PPP3CC: variants seen among roughly 807,000 people sequenced by gnomAD.
PPP3CC encodes the protein serine/threonine-protein phosphatase 2B catalytic subunit gamma isoform.
Under a neutral mutation model 60.3 loss-of-function variants are expected in PPP3CC, and 35 were observed. That is an observed-to-expected ratio of 0.58 (90% CI 0.44 to 0.77). PPP3CC has a LOEUF of 0.77. Among genes scored for constraint, PPP3CC ranks in the 30% least tolerant of loss-of-function variants. PPP3CC has a pLI of 0.00. For synonymous variants in PPP3CC, 206 were observed against 224.3 expected, an observed-to-expected ratio of 0.92 and a Z score of 0.73; for missense variants, 570 against 628.9, an observed-to-expected ratio of 0.91 and a Z score of 1.00.
chr8:22,531,286 T>A, intron 10 of PPP3CC: 1 of 1,529,698 alleles, frequency 6.5e-7, no homozygotes, highest in Admixed American at 2.0e-5. Flanking sequence ...TTTCTTGGTG[T>A]TTCTTCTCCC....
intron 1 of PPP3CC, among the ~76,000 whole-genome samples, chr8:22,447,071 G>A (rs1328426448): frequency 6.6e-6 from 1 of 151,334 alleles, no homozygotes; most frequent in African/African-American, 2.4e-5. Context: ...ACAGTGGCGC[G>A]ATCATGGCTC....
intron 6 of PPP3CC, among the ~76,000 whole-genome samples, chr8:22,516,573 A>G (rs994036873): frequency 3.3e-5 from 5 of 152,226 alleles, no homozygotes. Flanking sequence ...AGGTTTCATA[A>G]TCATTCATGG....
chr8:22,465,662 C>T (rs1334080957), intron 1 of PPP3CC, among the ~76,000 whole-genome samples: 1 of 152,050 alleles, frequency 6.6e-6, no homozygotes, highest in Non-Finnish European at 1.5e-5. Flanking sequence ...ATGCCTGGCC[C>T]CTCAATCTTG....
At chr8:22,498,811 A>G (rs1461844521) in intron 4 of PPP3CC, among the ~76,000 whole-genome samples, 4 of 152,204 alleles carry the variant, frequency 2.6e-5, no homozygotes, top group South Asian at 4.1e-4. Context: ...CTGTAATAGT[A>G]AAAATAAGTT....
chr8:22,463,237 A>G lies in PPP3CC; in HGVS notation c.50-11717A>G, dbSNP rs144683359. Among the ~76,000 whole-genome samples, 415 of 152,300 alleles carry G rather than the reference A, an allele frequency of 2.7e-3. 1 individual carries two copies. Among genetic ancestry groups the G allele is most frequent in the Admixed American group, 7.3e-3 (111 of 15,300 alleles). On this transcript the variant is annotated intron_variant, in intron 1 of 13. Transcript: ENST00000240139. Reference sequence around the variant, plus strand: ...TTGTGTTCTGATTATCTTGGACATAAATAGTCTATTCATTTTATCTTCTGC... The same window carrying G: ...TTGTGTTCTGATTATCTTGGACATAGATAGTCTATTCATTTTATCTTCTGC...
At chr8:22,486,462 T>C (rs146733632) in intron 3 of PPP3CC, among the ~76,000 whole-genome samples, 43 of 152,314 alleles carry the variant, frequency 2.8e-4, no homozygotes, top group South Asian at 6.2e-4. Context: ...TGTTTGTTTG[T>C]TTGCTTTTGG....
chr8:22,494,126 A>G (rs1248323477), intron 3 of PPP3CC, among the ~76,000 whole-genome samples: 4 of 152,144 alleles, frequency 2.6e-5, no homozygotes, highest in Admixed American at 2.0e-4. Context: ...CTGTTTCTCA[A>G]CATAGGCCTC....
chr8:22,459,890 C>G (rs142872778), intron 1 of PPP3CC, among the ~76,000 whole-genome samples: 3 of 152,010 alleles, frequency 2.0e-5, no homozygotes, highest in Admixed American at 2.0e-4. Context: ...GAACCATAAA[C>G]GCTGACAATT....
chr8:22,525,339 T>C (rs985696472), intron 8 of PPP3CC, among the ~76,000 whole-genome samples: 4 of 152,178 alleles, frequency 2.6e-5, no homozygotes, highest in African/African-American at 9.6e-5. Context: ...TTACTCCCCA[T>C]ACAAGTGCCT....
At chr8:22,507,378 C>G (rs2117081077) in intron 4 of PPP3CC, among the ~76,000 whole-genome samples, 1 of 152,232 alleles carries the variant, frequency 6.6e-6, no homozygotes, top group African/African-American at 2.4e-5. Flanking sequence ...TAAAATTTGT[C>G]TTGAAAATAA....
intron 1 of PPP3CC, among the ~76,000 whole-genome samples, chr8:22,462,627 G>C (rs1047031565): frequency 7.3e-5 from 11 of 151,488 alleles, no homozygotes; most frequent in Non-Finnish European, 2.9e-5. Flanking sequence ...CTGGAGTGCG[G>C]TGGCACGATC....
chr8:22,494,429 G>A (rs900899511), intron 3 of PPP3CC, among the ~76,000 whole-genome samples: 8 of 152,254 alleles, frequency 5.3e-5, no homozygotes, highest in East Asian at 1.9e-4. Context: ...GGGAATTCTG[G>A]TAGCTACAAT....
In PPP3CC at chr8:22,522,489, A is replaced by T; in HGVS notation, c.771-2A>T. On this transcript the variant is annotated splice_acceptor_variant, in intron 6 of 13. Transcript: ENST00000240139. LOFTEE classifies it high-confidence loss of function. ...TTTATGTTTTCTAATTTTCTTTTCC[A>T]GTTACCCTGCAGTTTGTGAATTTTT... 1 of 1,598,304 alleles carries T rather than the reference A, an allele frequency of 6.3e-7. No individual in the cohort carries two copies. Among genetic ancestry groups the T allele is most frequent in the Non-Finnish European group, 8.5e-7 (1 of 1,173,376 alleles).
chr8:22,470,077 C>CACAT lies in PPP3CC; in HGVS notation c.50-4874_50-4873insTACA, dbSNP rs537670004. ...ATATATATACACACACACACACACA[C>CACAT]ACACACACATACATATATATATGTT... On this transcript the variant is annotated intron_variant, in intron 1 of 13. Coordinates refer to ENST00000240139, the MANE Select transcript of PPP3CC (RefSeq NM_005605.5). Among the ~76,000 whole-genome samples, 1,483 of 151,638 alleles carry CACAT rather than the reference C, an allele frequency of 9.8e-3. 24 individuals carry two copies. The highest frequency in any genetic ancestry group is 0.032 in the African/African-American group (1,334 of 41,294).
intron 6 of PPP3CC, among the ~76,000 whole-genome samples, chr8:22,517,580 C>G (rs996158785): frequency 1.3e-5 from 2 of 152,094 alleles, no homozygotes; most frequent in Non-Finnish European, 2.9e-5. Context: ...CTTCATGATT[C>G]AGTTTTGGCA....
intron 6 of PPP3CC, among the ~76,000 whole-genome samples, chr8:22,521,098 A>T (rs894741344): frequency 6.6e-6 from 1 of 152,096 alleles, no homozygotes; most frequent in African/African-American, 2.4e-5. Flanking sequence ...TGTCCCATGG[A>T]TGGGGAGAGC....
intron 4 of PPP3CC, among the ~76,000 whole-genome samples, chr8:22,501,622 A>T (rs1378202613): frequency 6.6e-6 from 1 of 152,118 alleles, no homozygotes; most frequent in African/African-American, 2.4e-5. Flanking sequence ...CCCAATATGA[A>T]TGTTTGCTTT....
intron 4 of PPP3CC, among the ~76,000 whole-genome samples, chr8:22,500,258 T>G (rs1465927723): frequency 6.6e-6 from 1 of 152,194 alleles, no homozygotes; most frequent in Non-Finnish European, 1.5e-5. Context: ...TTCTAAAATT[T>G]TAGCATATTC....
intron 1 of PPP3CC, among the ~76,000 whole-genome samples, chr8:22,459,858 TTAGA>T (rs1285276863): frequency 2.0e-5 from 3 of 152,308 alleles, no homozygotes; most frequent in African/African-American, 7.2e-5. Flanking sequence ...GACTATTTTC[TTAGA>T]TAGGTCATAG....
Sources: gnomAD v4.1 joint callset for allele counts (sites outside exome capture counted in the v4.1 genomes callset) on GRCh38, gnomAD v4.1.1 for gene constraint, MANE v1.5 for transcripts, NCBI Gene and HGNC (gene_info 2026-07-23, HGNC 2026-07-21) for gene names.